RBMS3: variants seen among roughly 807,000 people sequenced by gnomAD.
RBMS3 encodes RNA binding motif single stranded interacting protein 3.
RBMS3 carries 27 observed loss-of-function variants against 66.8 expected under a neutral mutation model. The observed-to-expected ratio is 0.40, with a 90% confidence interval of 0.30 to 0.56. The LOEUF is 0.56. Ranked by LOEUF, RBMS3 falls within the 20% of genes least tolerant of loss-of-function variation. RBMS3 has a pLI of 0.40. For synonymous variants in RBMS3, 188 were observed against 183.0 expected, an observed-to-expected ratio of 1.03 and a Z score of -0.22; for missense variants, 513 against 549.5, an observed-to-expected ratio of 0.93 and a Z score of 0.66.
At chr3:29,984,309 C>T (rs1025400333) in intron 12 of RBMS3, among the ~76,000 whole-genome samples, 2 of 151,838 alleles carry the variant, frequency 1.3e-5, no homozygotes, top group Non-Finnish European at 2.9e-5. Context: ...TCAGCAATTC[C>T]TCTAGCCTTT....
chr3:29,899,377 T>G (rs796510300), intron 9 of RBMS3, among the ~76,000 whole-genome samples: 1 of 151,672 alleles, frequency 6.6e-6, no homozygotes, highest in Admixed American at 6.6e-5. Flanking sequence ...AGGACATCCC[T>G]GAAAGCTGAT....
intron 4 of RBMS3, among the ~76,000 whole-genome samples, chr3:29,714,242 G>C (rs1021075179): frequency 7.0e-6 from 1 of 143,424 alleles, no homozygotes; most frequent in African/African-American, 2.6e-5. Flanking sequence ...CAGTTCTGAA[G>C]GTAGAATTGA....
chr3:29,299,582 G>GA (rs544263201), intron 1 of RBMS3, among the ~76,000 whole-genome samples: 162 of 150,724 alleles, frequency 1.1e-3, no homozygotes, highest in African/African-American at 3.7e-3. Context: ...GAAATTATTT[G>GA]AAAAAAAATT....
chr3:29,801,272 C>CTTTT (rs200997680), intron 6 of RBMS3, among the ~76,000 whole-genome samples: 17 of 129,468 alleles, frequency 1.3e-4, no homozygotes, highest in Admixed American at 3.2e-4. Context: ...TGCTTTTTTT[C>CTTTT]TTTTTTTTTT....
At chr3:29,307,928 G>C (rs2034118432) in intron 1 of RBMS3, among the ~76,000 whole-genome samples, 2 of 151,690 alleles carry the variant, frequency 1.3e-5, no homozygotes, top group Non-Finnish European at 2.9e-5. Flanking sequence ...ATTAATGAGT[G>C]AATGATTGGT....
intron 1 of RBMS3, among the ~76,000 whole-genome samples, chr3:29,430,113 T>G (rs563050984): frequency 6.8e-4 from 103 of 152,232 alleles, no homozygotes; most frequent in African/African-American, 2.3e-3. Flanking sequence ...AAAGGATGTG[T>G]ATTTGGAATA....
intron 4 of RBMS3, among the ~76,000 whole-genome samples, chr3:29,647,780 G>A (rs1446464057): frequency 6.6e-6 from 1 of 152,142 alleles, no homozygotes; most frequent in Non-Finnish European, 1.5e-5. Context: ...TTTAACTAAT[G>A]TGTGTGATAG....
At chr3:29,896,978 T>C (rs1259527699) in intron 8 of RBMS3, among the ~76,000 whole-genome samples, 5 of 151,632 alleles carry the variant, frequency 3.3e-5, no homozygotes, top group Non-Finnish European at 7.4e-5. Context: ...TAGGAACTGG[T>C]CTTTATTTCC....
At chr3:29,639,273 A>G (rs1466746105) in intron 4 of RBMS3, among the ~76,000 whole-genome samples, 1 of 151,864 alleles carries the variant, frequency 6.6e-6, no homozygotes, top group East Asian at 1.9e-4. Flanking sequence ...AAGGGAAAGG[A>G]GATGATCATA....
intron 4 of RBMS3, among the ~76,000 whole-genome samples, chr3:29,659,674 T>C (rs1039508137): frequency 6.6e-6 from 1 of 152,232 alleles, no homozygotes; most frequent in African/African-American, 2.4e-5. Context: ...TTGTAAATAA[T>C]ACTGCTATGC....
intron 2 of RBMS3, among the ~76,000 whole-genome samples, chr3:29,487,751 T>C (rs936395852): frequency 3.3e-5 from 5 of 152,206 alleles, no homozygotes; most frequent in Admixed American, 6.5e-5. Flanking sequence ...AAAATATTTA[T>C]ATCATTACAA....
At chr3:29,887,007 A>T (rs79926133) in intron 8 of RBMS3, among the ~76,000 whole-genome samples, 314 of 151,940 alleles carry the variant, frequency 2.1e-3, no homozygotes, top group African/African-American at 7.1e-3. Context: ...GTCTTTACTC[A>T]TCTACATAGT....
intron 5 of RBMS3, 41 bp downstream of exon 5, chr3:29,739,918 G>A (rs773185084): frequency 4.4e-6 from 6 of 1,370,832 alleles, no homozygotes; most frequent in Non-Finnish European, 5.7e-6. Context: ...TTTCCTCATT[G>A]TTCCTTTTAA....
At chr3:29,999,582 A>C (rs1248967688) in intron 14 of RBMS3, among the ~76,000 whole-genome samples, 6 of 152,236 alleles carry the variant, frequency 3.9e-5, no homozygotes, top group African/African-American at 9.6e-5. Context: ...GCAGCCACAA[A>C]AAATGATGAG....
chr3:29,564,973 C>T (rs2046690929), intron 3 of RBMS3, among the ~76,000 whole-genome samples: 1 of 152,116 alleles, frequency 6.6e-6, no homozygotes, highest in Non-Finnish European at 1.5e-5. Flanking sequence ...ATGCTTTAGG[C>T]AGCAGGAGTT....
chr3:29,393,739 C>T (rs1014421675), intron 1 of RBMS3, among the ~76,000 whole-genome samples: 1 of 152,132 alleles, frequency 6.6e-6, no homozygotes, highest in Admixed American at 6.5e-5. Flanking sequence ...AGAAATTTTA[C>T]AGCTGGGCCT....
intron 10 of RBMS3, among the ~76,000 whole-genome samples, chr3:29,901,376 CT>C (rs2060249312): frequency 6.6e-6 from 1 of 151,824 alleles, no homozygotes; most frequent in Non-Finnish European, 1.5e-5. Flanking sequence ...AGTCCTCATA[CT>C]GAGTTTTAAC....
At chr3:29,816,387 C>T (rs1202772427) in intron 6 of RBMS3, among the ~76,000 whole-genome samples, 2 of 152,014 alleles carry the variant, frequency 1.3e-5, no homozygotes, top group African/African-American at 2.4e-5. Context: ...GACCCACTCC[C>T]CTACATGCAG....
chr3:29,414,397 A>C lies in RBMS3; in HGVS notation c.76-20346A>C, dbSNP rs146406780. Among the ~76,000 whole-genome samples the C allele has an allele frequency of 4.2e-3, 647 of 152,316 alleles. 4 individuals are homozygous for C. The highest frequency in any genetic ancestry group is 0.015 in the African/African-American group (624 of 41,582). On this transcript the variant is annotated intron_variant, in intron 1 of 14. Transcript: ENST00000383767. ...TTTCATTCTCTAAAAATAACCACCAAGGTCTTTTAGTGAAAATAAGTAAGT... is the reference window on the plus strand; with the variant it reads ...TTTCATTCTCTAAAAATAACCACCACGGTCTTTTAGTGAAAATAAGTAAGT...
Sources: gnomAD v4.1 joint callset for allele counts (sites outside exome capture counted in the v4.1 genomes callset) on GRCh38, gnomAD v4.1.1 for gene constraint, MANE v1.5 for transcripts, NCBI Gene and HGNC (gene_info 2026-07-23, HGNC 2026-07-21) for gene names.